CHL1: variants seen among roughly 807,000 people sequenced by gnomAD.
CHL1 encodes cell adhesion molecule L1 like, also known as neural cell adhesion molecule L1-like protein.
Under a neutral mutation model 141.9 loss-of-function variants are expected in CHL1, and 96 were observed. The ratio of observed to expected loss-of-function variants is 0.68; its 90% CI spans 0.57 to 0.80. The LOEUF (loss-of-function observed/expected upper bound fraction) is 0.80, where lower values mean the gene tolerates loss of function less well. Ranked by LOEUF, CHL1 falls within the 30% of genes least tolerant of loss-of-function variation. The pLI is 0.00. For synonymous variants in CHL1, 613 were observed against 502.2 expected, an observed-to-expected ratio of 1.22 and a Z score of -2.95; for missense variants, 1,820 against 1,457.2, an observed-to-expected ratio of 1.25 and a Z score of -4.05.
chr3:210,525 C>T (rs1334115840), intron 1 of CHL1, among the ~76,000 whole-genome samples: 2 of 152,220 alleles, frequency 1.3e-5, no homozygotes, highest in East Asian at 3.9e-4. Context: ...GGCCTCTCTC[C>T]TGGTCCTTCC....
intron 2 of CHL1, among the ~76,000 whole-genome samples, chr3:271,479 A>G (rs910557831): frequency 2.0e-5 from 3 of 152,248 alleles, no homozygotes; most frequent in Non-Finnish European, 2.9e-5. Context: ...ATGAAAAGAC[A>G]GTGTCTAATA....
chr3:276,835 G>T (rs1223499021), intron 2 of CHL1, among the ~76,000 whole-genome samples: 1 of 141,534 alleles, frequency 7.1e-6, no homozygotes, highest in Non-Finnish European at 1.5e-5. Flanking sequence ...GTTGCAGAGA[G>T]CCGAGATCAT....
chr3:276,617 C>A (rs671932), intron 2 of CHL1, among the ~76,000 whole-genome samples: 1 of 151,410 alleles, frequency 6.6e-6, no homozygotes, highest in African/African-American at 2.4e-5. Context: ...GGGCTGGGCA[C>A]GGTGGCTCAC....
intron 21 of CHL1, 39 bp downstream of exon 21, chr3:390,855 G>A: frequency 6.7e-7 from 1 of 1,500,112 alleles, no homozygotes; most frequent in Non-Finnish European, 9.3e-7. Flanking sequence ...TTGTTGAATT[G>A]GTATCTTTCC....
At chr3:254,084 A>C (rs746441764) in intron 2 of CHL1, among the ~76,000 whole-genome samples, 3 of 152,204 alleles carry the variant, frequency 2.0e-5, no homozygotes, top group African/African-American at 7.2e-5. Flanking sequence ...CTGCTTCCCC[A>C]GCTGCTGGGA....
intron 11 of CHL1, among the ~76,000 whole-genome samples, chr3:358,378 C>A (rs1703905770): frequency 6.6e-6 from 1 of 152,150 alleles, no homozygotes; most frequent in Non-Finnish European, 1.5e-5. Flanking sequence ...TTTGTGATTA[C>A]ATTGAGCCCA....
chr3:314,808 G>C (rs1700041158), intron 2 of CHL1, among the ~76,000 whole-genome samples: 1 of 151,986 alleles, frequency 6.6e-6, no homozygotes, highest in South Asian at 2.1e-4. Context: ...ATTCATCCTA[G>C]GGTCAAAAGC....
At chr3:269,573 T>C (rs1695457162) in intron 2 of CHL1, among the ~76,000 whole-genome samples, 1 of 152,222 alleles carries the variant, frequency 6.6e-6, no homozygotes, top group Non-Finnish European at 1.5e-5. Flanking sequence ...TGGCCCAGGC[T>C]GGAGTGCAAT....
chr3:354,887 C>T (rs1174338599), intron 11 of CHL1, 116 bp downstream of exon 11: 26 of 1,266,206 alleles, frequency 2.1e-5, no homozygotes, highest in Non-Finnish European at 2.8e-5. Flanking sequence ...AGGACAGATA[C>T]AACCAGCAAA....
At chr3:388,103 T>A (rs925046208) in intron 19 of CHL1, among the ~76,000 whole-genome samples, 3 of 152,256 alleles carry the variant, frequency 2.0e-5, no homozygotes, top group Admixed American at 6.5e-5. Context: ...AATCGTATTT[T>A]AAACTTATTT....
chr3:255,925 TA>T (rs1213721575), intron 2 of CHL1, among the ~76,000 whole-genome samples: 2 of 152,216 alleles, frequency 1.3e-5, no homozygotes, highest in Non-Finnish European at 2.9e-5. Context: ...TTACACTATC[TA>T]AAAGGAAGGT....
intron 2 of CHL1, among the ~76,000 whole-genome samples, chr3:250,615 T>G (rs936294438): frequency 6.6e-6 from 1 of 152,036 alleles, no homozygotes; most frequent in Non-Finnish European, 1.5e-5. Context: ...AGGCCTATAG[T>G]GGGGAGGCAA....
chr3:255,228 T>A (rs545248894), intron 2 of CHL1, among the ~76,000 whole-genome samples: 1 of 152,230 alleles, frequency 6.6e-6, no homozygotes, highest in Non-Finnish European at 1.5e-5. Context: ...TTAGAGTTGT[T>A]ATGCAGTTAG....
At chr3:368,029 A>G (rs1296146609) in intron 15 of CHL1, among the ~76,000 whole-genome samples, 2 of 152,042 alleles carry the variant, frequency 1.3e-5, no homozygotes, top group African/African-American at 4.8e-5. Flanking sequence ...TCATGTCTTT[A>G]CTATTGTAAA....
At chr3:381,354 C>T (rs1453598325) in intron 16 of CHL1, among the ~76,000 whole-genome samples, 1 of 152,060 alleles carries the variant, frequency 6.6e-6, no homozygotes, top group African/African-American at 2.4e-5. Flanking sequence ...TGCAGTAAGA[C>T]CAGGTATCTA....
chr3:274,506 T>G (rs17017690), intron 2 of CHL1, among the ~76,000 whole-genome samples: 17,577 of 152,272 alleles, frequency 0.12, 1,114 homozygotes, highest in African/African-American at 0.16. Context: ...GGGAAATAAC[T>G]GCTTTTCAAG....
In CHL1 at chr3:406,530, T is replaced by C. The variant is rs528984536; in HGVS notation, c.*819T>C. On this transcript the variant is annotated 3_prime_UTR_variant, in exon 28 of 28. Transcript: ENST00000256509. ...TAGCTACATCTACTTAATATCTTCA[T>C]TTCTAAATTGACTGCTTTTACCTTT... 6 of 152,244 alleles carry C rather than the reference T, an allele frequency of 3.9e-5. No homozygotes were observed. The highest frequency in any genetic ancestry group is 1.4e-4 in the African/African-American group (6 of 41,552). The allele number at this position is 152,244 out of a possible 1,614,324, so 9.4% of individuals were successfully genotyped here. A position where few individuals can be genotyped will look rare whatever the true frequency, so the allele number is the denominator to read the frequency against.
At chr3:295,262 AC>A (rs1283527380) in intron 2 of CHL1, among the ~76,000 whole-genome samples, 1 of 152,220 alleles carries the variant, frequency 6.6e-6, no homozygotes, top group African/African-American at 2.4e-5. Flanking sequence ...CTTTACACGA[AC>A]AGTCACAGAA....
intron 2 of CHL1, among the ~76,000 whole-genome samples, chr3:248,863 T>C (rs1040196483): frequency 2.0e-5 from 3 of 152,170 alleles, no homozygotes; most frequent in African/African-American, 7.2e-5. Context: ...ACTTTTAATC[T>C]TATATTGACA....
Sources: allele counts gnomAD v4.1 joint callset (sites outside exome capture counted in the v4.1 genomes callset), GRCh38; gene constraint gnomAD v4.1.1; transcripts MANE v1.5; gene names NCBI Gene and HGNC (gene_info 2026-07-23, HGNC 2026-07-21).